The following SLC7A13 variants were observed in gnomAD, a reference collection of about 807,000 sequenced individuals.
SLC7A13 encodes solute carrier family 7 member 13, also known as X-amino acid transporter 2.
Under a neutral mutation model 32.0 loss-of-function variants are expected in SLC7A13, and 31 were observed. The ratio of observed to expected loss-of-function variants is 0.97; its 90% CI spans 0.73 to 1.31. SLC7A13 has a LOEUF of 1.31. SLC7A13 is among the 50% of genes most tolerant of loss of function. The probability of loss-of-function intolerance (pLI) is 0.00; values close to 1 mark genes in which losing one functional copy is unlikely to be tolerated. For missense variants in SLC7A13, 633 were observed against 546.9 expected (o/e 1.16, Z -1.57); for synonymous variants, 232 against 206.9 (o/e 1.12, Z -1.04).
chr8:86,224,880 T>G (rs1282335959), intron 1 of SLC7A13, among the ~76,000 whole-genome samples: 1 of 152,100 alleles, frequency 6.6e-6, no homozygotes, highest in African/African-American at 2.4e-5. Flanking sequence ...AGAACTTCCC[T>G]ATTTTTTTCA....
Position 86,214,517 on chromosome 8 carries a change from T to C in SLC7A13, c.1309A>G (p.Ile437Val). The C allele has an allele frequency of 6.2e-7, 1 of 1,612,726 alleles. No homozygotes were observed. The highest frequency in any genetic ancestry group is 2.2e-5 in the East Asian group (1 of 44,768). ...CTTATTTTAAAATGTATTAAAGGTA[T>C]GTAAAATAGTAATCCGCTGAGAACT... The part of the protein sequence containing the change: ...LLVLSGLLFY[I>V]PLIHFKIRLA... The change falls in exon 4 of 4, where the codon ATA (isoleucine) becomes GTA (valine). Residue 437 changes from isoleucine (I) to valine (V), a missense_variant. By Grantham distance (29) the Ile-to-Val change is conservative. Coordinates refer to ENST00000297524, the MANE Select transcript of SLC7A13 (RefSeq NM_138817.3).
At chr8:86,222,167 T>G (rs1820307830) in intron 2 of SLC7A13, among the ~76,000 whole-genome samples, 1 of 152,126 alleles carries the variant, frequency 6.6e-6, no homozygotes, top group African/African-American at 2.4e-5. Context: ...CCCTTAGGTT[T>G]GCGTCCATGC....
rs753968310 is a variant in SLC7A13 at position 86,230,081 on chromosome 8, CAA to C, written c.195_196del (p.Cys66LeufsTer51). ...GAAGCTTATACTTATCTCTGCAGAG[CAA>C]AGAGTTGATGTCATGGCCAGTATGG... On this transcript the variant is annotated frameshift_variant, in exon 1 of 4. Transcript: ENST00000297524. LOFTEE classifies it high-confidence loss of function. 2 of 1,614,114 alleles carry C rather than the reference CAA, an allele frequency of 1.2e-6. No individual in the cohort carries two copies. Among genetic ancestry groups the C allele is most frequent in the South Asian group, 2.2e-5 (2 of 91,084 alleles).
rs747210422 is a variant in SLC7A13, at chr8:86,229,737, A to G, written c.541T>C (p.Phe181Leu). 3 of 1,614,088 alleles carry G rather than the reference A, an allele frequency of 1.9e-6. No individual in the cohort carries two copies. The highest frequency in any genetic ancestry group is 2.5e-6 in the Non-Finnish European group (3 of 1,180,036). The change falls in exon 1 of 4, where the codon TTC becomes CTC. Residue 181 changes from phenylalanine (F) to leucine (L), a missense_variant. Phe to Leu is a conservative substitution (Grantham distance 22). Coordinates refer to ENST00000297524, the MANE Select transcript of SLC7A13 (RefSeq NM_138817.3). ...LSFISLTGVV[F>L]LIRGKKENVE... ...TTCTCCTTTTTCCCTCTTATCAGGA[A>G]CACTACTCCAGTTAGGGAAATGAAG...
Position 86,229,911 on chromosome 8 carries a change from A to C in SLC7A13, c.367T>G (p.Phe123Val). The change falls in exon 1 of 4, where the codon TTT (phenylalanine) becomes GTT (valine). Residue 123 changes from phenylalanine (F) to valine (V), a missense_variant. Physicochemically the swap from Phe to Val is conservative, Grantham distance 50. Transcript: ENST00000297524. Reference protein sequence around the residue: ...LLLAEYSIQPFFPSCSVPKLP... With the variant: ...LLLAEYSIQPVFPSCSVPKLP... ...TTTGGGACAGAGCAGCTGGGAAAAA[A>C]AGGCTGGATGCTGTACTCAGCAAGG... 1 of 1,614,190 alleles carries C rather than the reference A, an allele frequency of 6.2e-7. No homozygotes were observed. Among genetic ancestry groups the C allele is most frequent in the East Asian group, 2.2e-5 (1 of 44,888 alleles).
In SLC7A13 at chr8:86,230,071, C is replaced by T. The variant is rs1298262923; in HGVS notation, c.207G>A (p.Glu69=). The T allele has an allele frequency of 2.5e-6, 4 of 1,614,186 alleles. No individual in the cohort carries two copies. The highest frequency in any genetic ancestry group is 3.4e-6 in the Non-Finnish European group (4 of 1,180,048). The change falls in exon 1 of 4, where the codon GAG becomes GAA. Residue 69 remains glutamate, a synonymous_variant. Coordinates refer to ENST00000297524, the MANE Select transcript of SLC7A13 (RefSeq NM_138817.3). ...CACTGCATGGGAAGCTTATACTTAT[C>T]TCTGCAGAGCAAAGAGTTGATGTCA... is the stretch of plus-strand genomic sequence containing the variant. The part of the protein sequence containing the change: ...LAMTSTLCSA[E]ISISFPCSGA...
chr8:86,229,347 T>C (rs1820442571), intron 1 of SLC7A13, among the ~76,000 whole-genome samples: 1 of 152,184 alleles, frequency 6.6e-6, no homozygotes, highest in African/African-American at 2.4e-5. Context: ...AGAAGTCCCA[T>C]ACCTGTGGTC....
chr8:86,230,056 G>A lies in SLC7A13; in HGVS notation c.222C>T (p.Phe74=), dbSNP rs1820458116. ...AATAGTATTGAGCTCCACTGCATGG[G>A]AAGCTTATACTTATCTCTGCAGAGC... ...TLCSAEISIS[F]PCSGAQYYFL... Residue 74 remains phenylalanine, a synonymous_variant, in exon 1 of 4, where the codon TTC becomes TTT. Transcript: ENST00000297524. 5.6e-6 allele frequency: 9 copies of A among 1,614,050 alleles called. No individual in the cohort carries two copies. Among genetic ancestry groups the A allele is most frequent in the South Asian group, 1.1e-5 (1 of 91,088 alleles).
intron 2 of SLC7A13, among the ~76,000 whole-genome samples, chr8:86,221,835 G>A (rs1820302525): frequency 6.6e-6 from 1 of 152,156 alleles, no homozygotes; most frequent in Non-Finnish European, 1.5e-5. Flanking sequence ...TATGGACGGA[G>A]CACTGGTAGT....
rs1211014246 is a variant in SLC7A13, at chr8:86,230,304, T to G, written c.-27A>C. 6.7e-7 allele frequency: 1 copy of G among 1,501,106 alleles called. No individual in the cohort carries two copies. The highest frequency in any genetic ancestry group is 1.4e-5 in the South Asian group (1 of 70,142). 93.0% of individuals were successfully genotyped at this position (1,501,106 alleles called of 1,614,324 possible). ...GTAATTGAAGAGTTTTAAAATTCTATATAAATTACAATTTCTAGATTTTCC... is the reference window on the plus strand; with the variant it reads ...GTAATTGAAGAGTTTTAAAATTCTAGATAAATTACAATTTCTAGATTTTCC... On this transcript the variant is annotated 5_prime_UTR_variant, in exon 1 of 4. Transcript: ENST00000297524.
At chr8:86,228,857 A>G (rs1282111800) in intron 1 of SLC7A13, among the ~76,000 whole-genome samples, 2 of 152,082 alleles carry the variant, frequency 1.3e-5, no homozygotes, top group East Asian at 3.9e-4. Context: ...AAAAAAAAAA[A>G]AAATCTGAGG....
At chr8:86,215,410 G>T (rs563582412) in intron 3 of SLC7A13, 2 of 167,464 alleles carry the variant, frequency 1.2e-5, no homozygotes, top group Admixed American at 5.9e-5. Flanking sequence ...CTTCTTGGCC[G>T]GGCACAGTTG....
chr8:86,227,418 C>G (rs1025008987), intron 1 of SLC7A13, among the ~76,000 whole-genome samples: 11 of 152,116 alleles, frequency 7.2e-5, no homozygotes, highest in Admixed American at 5.9e-4. Flanking sequence ...AGGGAAAAGA[C>G]CAACTTTGAA....
At position 86,214,206 on chromosome 8, in the gene SLC7A13, G is replaced by C; in HGVS notation, c.*207C>G. ...CCAGGACTTAAGTTTTTTACCATGC[G>C]AAGCAGAGCTTTTAGCAATTTCTTA... On this transcript the variant is annotated 3_prime_UTR_variant, in exon 4 of 4. Coordinates refer to ENST00000297524, the MANE Select transcript of SLC7A13 (RefSeq NM_138817.3). The C allele has an allele frequency of 2.3e-6, 1 of 425,922 alleles. No individual in the cohort carries two copies. The allele number at this position is 425,922 out of a possible 1,614,324, so 26.4% of individuals were successfully genotyped here.
At chr8:86,228,032 C>T (rs1820418377) in intron 1 of SLC7A13, among the ~76,000 whole-genome samples, 1 of 152,116 alleles carries the variant, frequency 6.6e-6, no homozygotes, top group African/African-American at 2.4e-5. Context: ...CCAGACCTCA[C>T]TATTATACAA....
chr8:86,214,085 A>G lies in SLC7A13; in HGVS notation c.*328T>C, dbSNP rs116936201. 160 of 182,076 alleles carry G rather than the reference A, an allele frequency of 8.8e-4. No homozygotes were observed. The highest frequency in any genetic ancestry group is 2.3e-3 in the Admixed American group (38 of 16,690). 11.3% of individuals were successfully genotyped at this position (182,076 alleles called of 1,614,324 possible). A position where few individuals can be genotyped will look rare whatever the true frequency, so the allele number is the denominator to read the frequency against. On this transcript the variant is annotated 3_prime_UTR_variant, in exon 4 of 4. Transcript: ENST00000297524. The stretch of plus-strand genomic sequence containing the variant: ...AAATTTTTAGTCATTCACTTTTATT[A>G]TAGGATCCCCACAAATTCAGTAGAA...
At chr8:86,219,453 A>G (rs1311209508) in intron 2 of SLC7A13, among the ~76,000 whole-genome samples, 1 of 152,130 alleles carries the variant, frequency 6.6e-6, no homozygotes, top group African/African-American at 2.4e-5. Flanking sequence ...AAATGATTTC[A>G]TATATGTTTT....
At chr8:86,216,905 T>C (rs1230869616) in intron 3 of SLC7A13, among the ~76,000 whole-genome samples, 3 of 152,320 alleles carry the variant, frequency 2.0e-5, no homozygotes, top group African/African-American at 7.2e-5. Flanking sequence ...CAGGGCCATC[T>C]TTCTCCAATA....
At chr8:86,229,467 T>G in intron 1 of SLC7A13, 126 bp downstream of exon 1, 1 of 929,652 alleles carries the variant, frequency 1.1e-6, no homozygotes, top group Non-Finnish European at 1.6e-6. Context: ...ATGATCTGAT[T>G]CAGAAAGTCA....
Sources: allele counts gnomAD v4.1 joint callset (sites outside exome capture counted in the v4.1 genomes callset), GRCh38; gene constraint gnomAD v4.1.1; transcripts MANE v1.5; gene names NCBI Gene and HGNC (gene_info 2026-07-23, HGNC 2026-07-21).